PDGFRL: variants seen among roughly 807,000 people sequenced by gnomAD.
PDGFRL encodes platelet derived growth factor receptor like.
PDGFRL carries 46 observed loss-of-function variants against 37.2 expected under a neutral mutation model. The ratio of observed to expected loss-of-function variants is 1.24; its 90% CI spans 0.98 to 1.58. PDGFRL has a LOEUF of 1.58. Ranked by LOEUF, PDGFRL falls within the 40% of genes most tolerant of loss-of-function variation. PDGFRL has a pLI of 0.00. For synonymous variants in PDGFRL, 251 were observed against 184.3 expected, an observed-to-expected ratio of 1.36 and a Z score of -2.93; for missense variants, 692 against 467.6, an observed-to-expected ratio of 1.48 and a Z score of -4.43.
intron 5 of PDGFRL, among the ~76,000 whole-genome samples, chr8:17,642,138 T>G (rs550718045): frequency 6.6e-6 from 1 of 152,098 alleles, no homozygotes; most frequent in Non-Finnish European, 1.5e-5. Context: ...ATCATACTTC[T>G]CCCTCTCTCA....
chr8:17,591,171 C>T (rs1054907341), intron 2 of PDGFRL, among the ~76,000 whole-genome samples: 25 of 152,112 alleles, frequency 1.6e-4, no homozygotes, highest in African/African-American at 4.8e-4. Flanking sequence ...CGTGAGCCAC[C>T]GCGCCTGGCT....
At chr8:17,588,149 C>G (rs1489010964) in intron 1 of PDGFRL, among the ~76,000 whole-genome samples, 1 of 99,472 alleles carries the variant, frequency 1.0e-5, no homozygotes, top group African/African-American at 2.6e-5. Context: ...TTGCCAGCAA[C>G]TCTCAACAAT....
chr8:17,615,079 A>G (rs1804495822), intron 2 of PDGFRL, among the ~76,000 whole-genome samples: 1 of 152,214 alleles, frequency 6.6e-6, no homozygotes, highest in Admixed American at 6.5e-5. Flanking sequence ...AGTTATTGTT[A>G]TAAGTCTCAT....
intron 5 of PDGFRL, among the ~76,000 whole-genome samples, chr8:17,639,746 T>A (rs1805051931): frequency 6.6e-6 from 1 of 152,206 alleles, no homozygotes; most frequent in South Asian, 2.1e-4. Context: ...ACCTGATGAC[T>A]CTGTGCCTAG....
chr8:17,614,487 T>A (rs940014193), intron 2 of PDGFRL, among the ~76,000 whole-genome samples: 8 of 152,224 alleles, frequency 5.3e-5, no homozygotes, highest in Admixed American at 2.0e-4. Flanking sequence ...CGAGTCTTTA[T>A]CGCTCTTGAT....
At chr8:17,641,414 CAA>C (rs1423644729) in intron 5 of PDGFRL, among the ~76,000 whole-genome samples, 9 of 152,194 alleles carry the variant, frequency 5.9e-5, no homozygotes, top group Non-Finnish European at 1.3e-4. Context: ...CTCTGTGAGA[CAA>C]AGTCAGAAAT....
intron 1 of PDGFRL, among the ~76,000 whole-genome samples, chr8:17,584,042 T>C (rs1803764632): frequency 6.6e-6 from 1 of 152,140 alleles, no homozygotes; most frequent in Non-Finnish European, 1.5e-5. Flanking sequence ...GGAGATAGTA[T>C]AAATGTCTGG....
At chr8:17,588,925 A>C (rs1046049444) in intron 1 of PDGFRL, among the ~76,000 whole-genome samples, 1 of 152,172 alleles carries the variant, frequency 6.6e-6, no homozygotes, top group Non-Finnish European at 1.5e-5. Context: ...TAGCTCATAC[A>C]TGAACTGTTT....
At chr8:17,615,972 C>T (rs1585321453) in intron 2 of PDGFRL, among the ~76,000 whole-genome samples, 1 of 152,192 alleles carries the variant, frequency 6.6e-6, no homozygotes, top group South Asian at 2.1e-4. Context: ...AAGTCCTGAA[C>T]TTGTTTACGG....
At chr8:17,577,346 C>T (rs1358111545) in intron 1 of PDGFRL, 39 bp downstream of exon 1, 1 of 1,571,948 alleles carries the variant, frequency 6.4e-7, no homozygotes, top group Non-Finnish European at 8.7e-7. Flanking sequence ...AGCTTGTGCC[C>T]TGACTTTAGC....
chr8:17,619,498 A>G (rs1804590277), intron 2 of PDGFRL, among the ~76,000 whole-genome samples: 1 of 152,248 alleles, frequency 6.6e-6, no homozygotes, highest in Admixed American at 6.5e-5. Context: ...GAGTAAGGTC[A>G]GAGGAAAAGT....
intron 3 of PDGFRL, among the ~76,000 whole-genome samples, chr8:17,623,131 C>A (rs1409043388): frequency 6.6e-6 from 1 of 152,162 alleles, no homozygotes; most frequent in African/African-American, 2.4e-5. Context: ...TACTAATGCT[C>A]ATGCTGAGCC....
intron 1 of PDGFRL, among the ~76,000 whole-genome samples, chr8:17,580,280 C>T (rs1375828201): frequency 6.6e-6 from 1 of 152,026 alleles, no homozygotes. Context: ...CGAGGATTCT[C>T]TAACCAAGAG....
At chr8:17,634,500 C>G (rs1004924592) in intron 5 of PDGFRL, among the ~76,000 whole-genome samples, 7 of 150,968 alleles carry the variant, frequency 4.6e-5, no homozygotes, top group Non-Finnish European at 1.0e-4. Context: ...TTTTTAAACC[C>G]TTAAGTAAGA....
At chr8:17,579,153 C>T (rs980491322) in intron 1 of PDGFRL, among the ~76,000 whole-genome samples, 12 of 152,094 alleles carry the variant, frequency 7.9e-5, no homozygotes, top group African/African-American at 2.9e-4. Flanking sequence ...GCCGAGATCG[C>T]ACCACTGCAC....
At chr8:17,631,814 C>G (rs538228820) in intron 4 of PDGFRL, among the ~76,000 whole-genome samples, 1 of 152,286 alleles carries the variant, frequency 6.6e-6, no homozygotes, top group Non-Finnish European at 1.5e-5. Flanking sequence ...AGCTTTCTCA[C>G]TCTTCTTGGT....
At chr8:17,628,394 C>A in intron 3 of PDGFRL, 93 bp from the exon 4 acceptor site, 1 of 881,288 alleles carries the variant, frequency 1.1e-6, no homozygotes, top group Non-Finnish European at 1.9e-6. Context: ...CTCCTAAGGA[C>A]TCAGTATTCA....
intron 1 of PDGFRL, among the ~76,000 whole-genome samples, chr8:17,588,011 G>A (rs1161655819): frequency 6.6e-6 from 1 of 152,090 alleles, no homozygotes; most frequent in Non-Finnish European, 1.5e-5. Context: ...GAGTCCGGTG[G>A]CCCACCACAG....
Position 17,642,930 on chromosome 8 carries a change from G to A in PDGFRL, c.*129G>A, listed in dbSNP as rs543147152. On this transcript the variant is annotated 3_prime_UTR_variant, in exon 6 of 6. Coordinates refer to ENST00000251630, the MANE Select transcript of PDGFRL (RefSeq NM_001372073.1). ...CCACACCCCAACCCCAGCGTCTCGT[G>A]AGTCCGACCCAGACATCCAAACTAA... 2 of 622,380 alleles carry A rather than the reference G, an allele frequency of 3.2e-6. No individual in the cohort carries two copies. Among genetic ancestry groups the A allele is most frequent in the Non-Finnish European group, 5.7e-6 (2 of 352,524 alleles). 38.6% of individuals were successfully genotyped at this position (622,380 alleles called of 1,614,324 possible).
Sources: gnomAD v4.1 joint callset for allele counts (sites outside exome capture counted in the v4.1 genomes callset) on GRCh38, gnomAD v4.1.1 for gene constraint, MANE v1.5 for transcripts, NCBI Gene and HGNC (gene_info 2026-07-23, HGNC 2026-07-21) for gene names.